The following LRP6 variants were observed in gnomAD, a reference collection of about 807,000 sequenced individuals.
The protein encoded by LRP6 is low-density lipoprotein receptor-related protein 6.
A neutral mutation model predicts 184.1 loss-of-function variants in LRP6; 43 were observed. That is an observed-to-expected ratio of 0.23 (90% CI 0.18 to 0.30). The LOEUF is 0.30. Among genes scored for constraint, LRP6 ranks in the 10% least tolerant of loss-of-function variants. LRP6 has a pLI of 1.00. For synonymous variants in LRP6, 719 were observed against 684.9 expected (o/e 1.05, Z -0.78); for missense variants, 1,571 against 2,005.3 (o/e 0.78, Z 4.14).
chr12:12,167,351 T>C (rs996730494), intron 7 of LRP6, among the ~76,000 whole-genome samples: 2 of 152,044 alleles, frequency 1.3e-5, no homozygotes, highest in South Asian at 2.1e-4. Flanking sequence ...ACAAATAAAA[T>C]AGGGACAGCA....
At chr12:12,208,800 G>C (rs1357034683) in intron 2 of LRP6, among the ~76,000 whole-genome samples, 2 of 152,156 alleles carry the variant, frequency 1.3e-5, no homozygotes, top group Non-Finnish European at 2.9e-5. Context: ...CCTAAGCATA[G>C]GGACAGCCAG....
intron 2 of LRP6, among the ~76,000 whole-genome samples, chr12:12,242,817 C>T (rs1350749023): frequency 6.6e-6 from 1 of 152,190 alleles, no homozygotes; most frequent in East Asian, 1.9e-4. Flanking sequence ...CCCTATACTA[C>T]TGCCCACATA....
chr12:12,123,562 G>T (rs1949632121), intron 22 of LRP6, among the ~76,000 whole-genome samples: 1 of 152,142 alleles, frequency 6.6e-6, no homozygotes, highest in African/African-American at 2.4e-5. Context: ...TTATCTAGAA[G>T]ATAACAGGCA....
chr12:12,156,943 A>G (rs2136933141), intron 12 of LRP6, among the ~76,000 whole-genome samples: 1 of 152,320 alleles, frequency 6.6e-6, no homozygotes, highest in African/African-American at 2.4e-5. Context: ...TGTTTCTGTA[A>G]TAAAGTTTTA....
chr12:12,199,736 C>T (rs554766254), intron 3 of LRP6, among the ~76,000 whole-genome samples: 10 of 151,876 alleles, frequency 6.6e-5, no homozygotes, highest in East Asian at 1.9e-4. Context: ...GAGGCTGAGG[C>T]GGGCGGATCA....
At chr12:12,137,548 A>G (rs1949859549) in intron 16 of LRP6, among the ~76,000 whole-genome samples, 1 of 152,208 alleles carries the variant, frequency 6.6e-6, no homozygotes, top group African/African-American at 2.4e-5. Flanking sequence ...AGTCTTCTCT[A>G]TGTTTACACA....
At chr12:12,188,055 C>CA (rs575852903) in intron 3 of LRP6, among the ~76,000 whole-genome samples, 7 of 151,556 alleles carry the variant, frequency 4.6e-5, no homozygotes, top group African/African-American at 1.5e-4. Flanking sequence ...ACTAAAAATA[C>CA]AAAAAAATTA....
chr12:12,175,786 A>G (rs1863167510), intron 7 of LRP6, among the ~76,000 whole-genome samples: 1 of 151,278 alleles, frequency 6.6e-6, no homozygotes, highest in Non-Finnish European at 1.5e-5. Flanking sequence ...TAGCATTGAC[A>G]ATACTATTGT....
At chr12:12,138,208 A>G (rs971186502) in intron 16 of LRP6, 117 bp downstream of exon 16, 1 of 1,022,968 alleles carries the variant, frequency 9.8e-7, no homozygotes, top group African/African-American at 1.6e-5. Context: ...AAAAAATGGC[A>G]AAACTAAAAG....
chr12:12,148,005 T>G (rs1950033492), intron 14 of LRP6, among the ~76,000 whole-genome samples: 1 of 142,100 alleles, frequency 7.0e-6, no homozygotes, highest in Non-Finnish European at 1.5e-5. Context: ...CTCTTTTATA[T>G]AAATATATAT....
intron 1 of LRP6, among the ~76,000 whole-genome samples, chr12:12,264,795 T>A (rs531883052): frequency 6.6e-6 from 1 of 152,328 alleles, no homozygotes; most frequent in East Asian, 1.9e-4. Context: ...TACAGTACTG[T>A]TACATATTAG....
intron 19 of LRP6, 73 bp from the exon 20 acceptor site, chr12:12,126,994 G>T: frequency 8.0e-7 from 1 of 1,245,996 alleles, no homozygotes; most frequent in Admixed American, 1.8e-5. Context: ...TCAAAAGAGG[G>T]CTTGCTAATA....
intron 12 of LRP6, among the ~76,000 whole-genome samples, chr12:12,156,388 G>A (rs1176638037): frequency 6.6e-6 from 1 of 152,206 alleles, no homozygotes; most frequent in Non-Finnish European, 1.5e-5. Context: ...AAGCAAGAGA[G>A]ACAAGAGTAA....
intron 3 of LRP6, chr12:12,187,586 T>C (rs1863506923): frequency 5.2e-6 from 1 of 193,234 alleles, no homozygotes; most frequent in Admixed American, 5.3e-5. Flanking sequence ...CTTCTTGATG[T>C]GGAAGAACAA....
intron 2 of LRP6, among the ~76,000 whole-genome samples, chr12:12,221,339 T>C (rs1565670068): frequency 6.6e-6 from 1 of 152,296 alleles, no homozygotes; most frequent in Admixed American, 6.5e-5. Context: ...TAATCATCAA[T>C]ACATAATGAT....
At position 12,147,476 on chromosome 12, in the gene LRP6, A is replaced by T; in HGVS notation, c.3287T>A (p.Leu1096His). ...AALDGTEREVLFFSGLSKPIA... is the reference protein window; with the variant it reads ...AALDGTEREVHFFSGLSKPIA... ...TGGTTTACTTAAGCCACTGAAAAAG[A>T]GGACCTCCCGTTCTGTCCCATCCAA... Residue 1096 changes from leucine (L) to histidine (H), a missense_variant, in exon 15 of 23, where the codon CTC (leucine) becomes CAC (histidine). Leu to His is a moderately conservative substitution (Grantham distance 99). This residue lies in a region of LRP6 where 763 missense variants were observed against 859.5 expected (regional missense o/e 0.89). Transcript: ENST00000261349. 1 of 1,614,168 alleles carries T rather than the reference A, an allele frequency of 6.2e-7. No individual in the cohort carries two copies. The highest frequency in any genetic ancestry group is 1.1e-5 in the South Asian group (1 of 91,084).
At position 12,244,580 on chromosome 12, in the gene LRP6, G is replaced by C; in HGVS notation, c.131C>G (p.Thr44Arg). Reference sequence around the variant, plus strand: ...ATCCTCCAAGCCTCCAACTACAATCGTAGCATTCTCTTTGCCATTTGTAGC... The same window carrying C: ...ATCCTCCAAGCCTCCAACTACAATCCTAGCATTCTCTTTGCCATTTGTAGC... ...VDATNGKENA[T>R]IVVGGLEDAA... Residue 44 changes from threonine to arginine, a missense_variant, in exon 2 of 23, where the codon ACG (threonine) becomes AGG (arginine). Thr to Arg is a moderately conservative substitution (Grantham distance 71). Coordinates refer to ENST00000261349, the MANE Select transcript of LRP6 (RefSeq NM_002336.3). 1 of 1,614,044 alleles carries C rather than the reference G, an allele frequency of 6.2e-7. No homozygotes were observed. Among genetic ancestry groups the C allele is most frequent in the Non-Finnish European group, 8.5e-7 (1 of 1,179,984 alleles).
chr12:12,233,650 A>T (rs903114345), intron 2 of LRP6, among the ~76,000 whole-genome samples: 18 of 152,348 alleles, frequency 1.2e-4, no homozygotes, highest in African/African-American at 3.8e-4. Flanking sequence ...CTCTGATTTC[A>T]AACAACCAAC....
At chr12:12,238,757 G>A (rs1377787657) in intron 2 of LRP6, among the ~76,000 whole-genome samples, 1 of 152,034 alleles carries the variant, frequency 6.6e-6, no homozygotes, top group East Asian at 1.9e-4. Flanking sequence ...ACACTGAAGG[G>A]CATACTTCAA....
Sources: gnomAD v4.1 joint callset for allele counts (sites outside exome capture counted in the v4.1 genomes callset) on GRCh38, gnomAD v4.1.1 for gene constraint, gnomAD v4.1.1 regional missense constraint, MANE v1.5 for transcripts, NCBI Gene and HGNC (gene_info 2026-07-23, HGNC 2026-07-21) for gene names.